MYO10: variants seen among roughly 807,000 people sequenced by gnomAD.
MYO10 encodes the protein myosin X, also known as unconventional myosin-X.
MYO10 carries 133 observed loss-of-function variants against 257.3 expected under a neutral mutation model. That is an observed-to-expected ratio of 0.52 (90% CI 0.45 to 0.60). MYO10 has a LOEUF of 0.60. Among genes scored for constraint, MYO10 ranks in the 20% least tolerant of loss-of-function variants. MYO10 has a pLI of 0.00. For missense variants in MYO10, 2,399 were observed against 2,635.7 expected, an observed-to-expected ratio of 0.91 and a Z score of 1.97; for synonymous variants, 1,104 against 1,028.6, an observed-to-expected ratio of 1.07 and a Z score of -1.40.
At chr5:16,931,035 G>A (rs377024248) in intron 1 of MYO10, among the ~76,000 whole-genome samples, 45 of 152,344 alleles carry the variant, frequency 3.0e-4, no homozygotes, top group East Asian at 2.5e-3. Context: ...ACTTTGGGAA[G>A]CCAAGGCAGG....
At chr5:16,882,635 A>G (rs1436313547) in intron 1 of MYO10, among the ~76,000 whole-genome samples, 1 of 152,198 alleles carries the variant, frequency 6.6e-6, no homozygotes, top group Non-Finnish European at 1.5e-5. Flanking sequence ...ATGGTAAGTG[A>G]AAGAAGCCAG....
intron 34 of MYO10, 33 bp from the exon 35 acceptor site, chr5:16,675,183 T>G (rs1234040656): frequency 1.9e-6 from 3 of 1,607,730 alleles, no homozygotes; most frequent in African/African-American, 2.7e-5. Flanking sequence ...GGAACTCATC[T>G]GAGGGGTTCA....
intron 1 of MYO10, among the ~76,000 whole-genome samples, chr5:16,920,041 G>T (rs535579123): frequency 1.3e-5 from 2 of 152,274 alleles, no homozygotes; most frequent in African/African-American, 4.8e-5. Context: ...AACCCAGGAG[G>T]CGGAGACTGC....
At chr5:16,727,922 T>A (rs1474373246) in intron 19 of MYO10, among the ~76,000 whole-genome samples, 1 of 151,356 alleles carries the variant, frequency 6.6e-6, no homozygotes, top group East Asian at 1.9e-4. Flanking sequence ...GGAAAAGCTA[T>A]GCCTAACAGC....
intron 2 of MYO10, among the ~76,000 whole-genome samples, chr5:16,865,805 C>T (rs183228221): frequency 4.1e-5 from 4 of 98,222 alleles, no homozygotes; most frequent in Non-Finnish European, 6.2e-5. Flanking sequence ...AGTTAGACTC[C>T]GTCTCGATAA....
chr5:16,931,226 G>A (rs1442901566), intron 1 of MYO10, among the ~76,000 whole-genome samples: 5 of 151,998 alleles, frequency 3.3e-5, no homozygotes, highest in South Asian at 4.2e-4. Flanking sequence ...AGCCGAGATC[G>A]CACCATTGCT....
At chr5:16,749,076 T>A (rs1740303400) in intron 19 of MYO10, among the ~76,000 whole-genome samples, 1 of 152,126 alleles carries the variant, frequency 6.6e-6, no homozygotes, top group African/African-American at 2.4e-5. Context: ...AGCTTCCTTC[T>A]CTCACTTGAT....
At chr5:16,868,034 C>A (rs756230604) in intron 2 of MYO10, among the ~76,000 whole-genome samples, 10 of 152,118 alleles carry the variant, frequency 6.6e-5, no homozygotes, top group Non-Finnish European at 1.2e-4. Flanking sequence ...GAATAACTAC[C>A]CCTTAAAATA....
chr5:16,830,107 G>A (rs253327), intron 2 of MYO10, among the ~76,000 whole-genome samples: 20,380 of 151,858 alleles, frequency 0.13, 3,233 homozygotes, highest in African/African-American at 0.39. Context: ...GTCATGGTGC[G>A]CGCCTTTAGT....
intron 19 of MYO10, among the ~76,000 whole-genome samples, chr5:16,737,173 A>G (rs1001927732): frequency 6.6e-6 from 1 of 152,204 alleles, no homozygotes; most frequent in African/African-American, 2.4e-5. Flanking sequence ...GGGTGAGGGG[A>G]AAAATGTTAC....
In MYO10 at chr5:16,788,793, G is replaced by T. The variant is rs116173494; in HGVS notation, c.468-5324C>A. On this transcript the variant is annotated intron_variant, in intron 4 of 40. Coordinates refer to ENST00000513610, the MANE Select transcript of MYO10 (RefSeq NM_012334.3). ...TGGGGCGCCATGGTGGGGGGCGTGGGGGCAGCTTGCTGAGACGAAGGAGTA... is the reference window on the plus strand; with the variant it reads ...TGGGGCGCCATGGTGGGGGGCGTGGTGGCAGCTTGCTGAGACGAAGGAGTA... 2.9e-3 allele frequency among the ~76,000 whole-genome samples: 449 copies of T among 152,228 alleles called. 1 individual carries two copies. Among genetic ancestry groups the T allele is most frequent in the African/African-American group, 0.01 (425 of 41,542 alleles).
At chr5:16,922,197 G>C (rs578244138) in intron 1 of MYO10, among the ~76,000 whole-genome samples, 1 of 146,642 alleles carries the variant, frequency 6.8e-6, no homozygotes, top group African/African-American at 2.5e-5. Context: ...CTGGGTGACA[G>C]AGCAAGACTC....
At chr5:16,771,202 C>T (rs1243873160) in intron 9 of MYO10, among the ~76,000 whole-genome samples, 3 of 152,134 alleles carry the variant, frequency 2.0e-5, no homozygotes, top group Non-Finnish European at 4.4e-5. Context: ...ATCCAGAGTA[C>T]TGTTTTTTTC....
rs1344633876 is a variant in MYO10, at chr5:16,850,703, G to C, written c.120+26906C>G. Reference sequence around the variant, plus strand: ...ACCACATATAGGTAAGCTCAACCTAGTATCAATTCTGATGCCTTAATGTGA... The same window carrying C: ...ACCACATATAGGTAAGCTCAACCTACTATCAATTCTGATGCCTTAATGTGA... On this transcript the variant is annotated intron_variant, in intron 2 of 40. Transcript: ENST00000513610. Among the ~76,000 whole-genome samples, 6 of 150,326 alleles carry C rather than the reference G, an allele frequency of 4.0e-5. No individual in the cohort carries two copies. In the East Asian group the frequency reaches 1.2e-3, roughly 30 times the overall value.
At position 16,891,149 on chromosome 5, in the gene MYO10, C is replaced by T. The variant is rs561215368; in HGVS notation, c.22-13442G>A. ...ACATAACATTAGAAAATTAGCCAGG[C>T]GCGGTAGCAGGTGCCTGTAATCCCA... On this transcript the variant is annotated intron_variant, in intron 1 of 40. Transcript: ENST00000513610. 4.0e-5 allele frequency among the ~76,000 whole-genome samples: 6 copies of T among 151,614 alleles called. No individual in the cohort carries two copies. The East Asian group carries it at 1.2e-3, about 30-fold the overall frequency.
At chr5:16,792,128 CACACAGAGAGAGAGAGAG>C (rs1741779418) in intron 4 of MYO10, among the ~76,000 whole-genome samples, 1 of 137,772 alleles carries the variant, frequency 7.3e-6, no homozygotes, top group East Asian at 2.1e-4. Flanking sequence ...CACACACACA[CACACAGAGAGAGAGAGAG>C]AGAGAGAGAG....
chr5:16,707,486 T>C (rs1213121033), intron 21 of MYO10, among the ~76,000 whole-genome samples: 1 of 152,226 alleles, frequency 6.6e-6, no homozygotes. Flanking sequence ...TGGTTCTTTT[T>C]CACTTTTATC....
At chr5:16,760,962 A>ATAT (rs149691790) in intron 17 of MYO10, among the ~76,000 whole-genome samples, 21,948 of 150,594 alleles carry the variant, frequency 0.15, 2,187 homozygotes, top group African/African-American at 0.29. Flanking sequence ...GTCATTGCTT[A>ATAT]TATTATTATT....
Position 16,666,719 on chromosome 5 carries a change from G to C in MYO10, c.6150C>G (p.Ser2050=). 6.2e-7 allele frequency: 1 copy of C among 1,605,898 alleles called. No homozygotes were observed. The highest frequency in any genetic ancestry group is 8.5e-7 in the Non-Finnish European group (1 of 1,177,728). The change falls in exon 41 of 41, where the codon TCC becomes TCG. Residue 2050 remains serine, a synonymous_variant. Coordinates refer to ENST00000513610, the MANE Select transcript of MYO10 (RefSeq NM_012334.3). ...ACCTGGAGCTGCCCTGGCTGCTGGC[G>C]GAGCGTGTCGTGCTGTAGCGCTTCT... The part of the protein sequence containing the change: ...IVKKRYSTTR[S]ASSQGSSR
Sources: gnomAD v4.1 joint callset for allele counts (sites outside exome capture counted in the v4.1 genomes callset) on GRCh38, gnomAD v4.1.1 for gene constraint, MANE v1.5 for transcripts, NCBI Gene and HGNC (gene_info 2026-07-23, HGNC 2026-07-21) for gene names.